Variants in LEF1 observed in about 807,000 individuals in gnomAD.
The protein encoded by LEF1 is lymphoid enhancer-binding factor 1.
A neutral mutation model predicts 51.2 loss-of-function variants in LEF1; 14 were observed. The observed-to-expected ratio is 0.27, with a 90% CI of 0.18 to 0.43. The LOEUF is 0.43. Ranked by LOEUF, LEF1 falls within the 20% of genes least tolerant of loss-of-function variation. The pLI is 1.00. For missense variants in LEF1, 386 were observed against 512.0 expected (o/e 0.75, Z 2.37); for synonymous variants, 185 against 183.2 (o/e 1.01, Z -0.08).
intron 3 of LEF1, among the ~76,000 whole-genome samples, chr4:108,107,292 A>C (rs979126306): frequency 6.6e-6 from 1 of 151,746 alleles, no homozygotes; most frequent in African/African-American, 2.4e-5. Context: ...TTTTTTGGTA[A>C]AGATCACACA....
chr4:108,153,854 GATATAC>G (rs1460088546), intron 3 of LEF1, among the ~76,000 whole-genome samples: 32 of 152,126 alleles, frequency 2.1e-4, no homozygotes, highest in African/African-American at 7.0e-4. Flanking sequence ...AATAGAAAAA[GATATAC>G]ATAATAAGTT....
intron 3 of LEF1, among the ~76,000 whole-genome samples, chr4:108,160,468 C>T (rs1291888759): frequency 6.6e-6 from 1 of 152,144 alleles, no homozygotes; most frequent in African/African-American, 2.4e-5. Context: ...CTCACGCTGA[C>T]ACCAAATATG....
intron 3 of LEF1, among the ~76,000 whole-genome samples, chr4:108,136,405 A>G (rs910733194): frequency 6.6e-6 from 1 of 152,162 alleles, no homozygotes; most frequent in Non-Finnish European, 1.5e-5. Context: ...ATCTTTATAA[A>G]AACATGTACA....
At chr4:108,157,764 T>C (rs913083801) in intron 3 of LEF1, among the ~76,000 whole-genome samples, 1 of 152,240 alleles carries the variant, frequency 6.6e-6, no homozygotes, top group African/African-American at 2.4e-5. Flanking sequence ...CCTATACAGA[T>C]TGAAGGCATG....
chr4:108,104,212 C>T (rs575324794), intron 3 of LEF1, among the ~76,000 whole-genome samples: 5 of 151,760 alleles, frequency 3.3e-5, no homozygotes, highest in Admixed American at 6.6e-5. Flanking sequence ...CAGGCAAAGT[C>T]ATAGTAACAA....
At chr4:108,053,403 CTAGT>C (rs1737128237) in intron 11 of LEF1, among the ~76,000 whole-genome samples, 1 of 152,158 alleles carries the variant, frequency 6.6e-6, no homozygotes, top group South Asian at 2.1e-4. Context: ...GCATTCAAGA[CTAGT>C]TAGTTAATCC....
intron 9 of LEF1, among the ~76,000 whole-genome samples, chr4:108,067,421 T>C (rs1013853085): frequency 1.1e-4 from 16 of 152,122 alleles, no homozygotes; most frequent in Non-Finnish European, 1.6e-4. Flanking sequence ...GAAGCAATGC[T>C]GAATAAAATT....
intron 11 of LEF1, among the ~76,000 whole-genome samples, chr4:108,053,332 G>A (rs1737123937): frequency 1.3e-5 from 2 of 152,204 alleles, no homozygotes; most frequent in African/African-American, 4.8e-5. Flanking sequence ...AAATGAAAAT[G>A]TGTGGTTAGG....
intron 3 of LEF1, among the ~76,000 whole-genome samples, chr4:108,124,068 A>G (rs1173322578): frequency 1.3e-5 from 2 of 152,156 alleles, no homozygotes; most frequent in Non-Finnish European, 2.9e-5. Context: ...GGATAGCTTG[A>G]GCCCAGGAGG....
intron 3 of LEF1, among the ~76,000 whole-genome samples, chr4:108,095,862 A>G (rs2110282186): frequency 6.6e-6 from 1 of 152,310 alleles, no homozygotes; most frequent in African/African-American, 2.4e-5. Flanking sequence ...GAGCCTGTAA[A>G]TAGAGGGACT....
chr4:108,128,675 C>T lies in LEF1; in HGVS notation c.414+34893G>A, dbSNP rs534618577. On this transcript the variant is annotated intron_variant, in intron 3 of 11. Coordinates refer to ENST00000265165, the MANE Select transcript of LEF1 (RefSeq NM_016269.5). ...AAACAAATACATAAAGATACAGAAG[C>T]CATACCTATTGAAAAGATAATCGGT... Among the ~76,000 whole-genome samples the T allele has an allele frequency of 2.6e-5, 4 of 152,084 alleles. No homozygotes were observed. The South Asian group carries it at 6.2e-4, about 24-fold the overall frequency.
chr4:108,063,580 A>T (rs755036082), intron 11 of LEF1, 43 bp downstream of exon 11: 3 of 1,502,956 alleles, frequency 2.0e-6, no homozygotes, highest in Non-Finnish European at 2.7e-6. Flanking sequence ...GCCTCTTTTT[A>T]TAACAACTAA....
At chr4:108,075,205 C>A (rs570803274) in intron 8 of LEF1, among the ~76,000 whole-genome samples, 1 of 152,314 alleles carries the variant, frequency 6.6e-6, no homozygotes, top group South Asian at 2.1e-4. Flanking sequence ...ATCACCACAT[C>A]CTCCCCTGGA....
chr4:108,099,745 C>T (rs998240990), intron 3 of LEF1, among the ~76,000 whole-genome samples: 2 of 150,926 alleles, frequency 1.3e-5, no homozygotes, highest in Admixed American at 6.6e-5. Context: ...TCTCCAAATG[C>T]TAAAGTCAAT....
At chr4:108,153,840 T>C (rs913674151) in intron 3 of LEF1, among the ~76,000 whole-genome samples, 1 of 152,192 alleles carries the variant, frequency 6.6e-6, no homozygotes, top group Non-Finnish European at 1.5e-5. Flanking sequence ...GAAGATTATT[T>C]ATTAATAGAA....
chr4:108,081,079 C>A (rs1205298775), intron 6 of LEF1, among the ~76,000 whole-genome samples: 1 of 152,106 alleles, frequency 6.6e-6, no homozygotes, highest in Non-Finnish European at 1.5e-5. Context: ...GGCCTGCCAG[C>A]CTGTCCGCAC....
chr4:108,101,401 G>A (rs1044798542), intron 3 of LEF1, among the ~76,000 whole-genome samples: 6 of 152,194 alleles, frequency 3.9e-5, no homozygotes, highest in African/African-American at 1.4e-4. Context: ...TTTTGTCTTT[G>A]CAGCAGGTTC....
intron 3 of LEF1, among the ~76,000 whole-genome samples, chr4:108,160,190 T>C (rs960199363): frequency 6.6e-6 from 1 of 152,244 alleles, no homozygotes; most frequent in African/African-American, 2.4e-5. Flanking sequence ...ACATTAAAGC[T>C]GGCCAAGCTC....
intron 3 of LEF1, among the ~76,000 whole-genome samples, chr4:108,101,519 G>T (rs530937542): frequency 6.6e-6 from 1 of 152,140 alleles, no homozygotes; most frequent in Non-Finnish European, 1.5e-5. Flanking sequence ...TAATTTAAGG[G>T]CTTATTGAAG....
Sources: allele counts gnomAD v4.1 joint callset (sites outside exome capture counted in the v4.1 genomes callset), GRCh38; gene constraint gnomAD v4.1.1; transcripts MANE v1.5; gene names NCBI Gene and HGNC (gene_info 2026-07-23, HGNC 2026-07-21).